The following SLC24A3 variants were observed in gnomAD, a reference collection of about 807,000 sequenced individuals.
The protein encoded by SLC24A3 is sodium/potassium/calcium exchanger 3.
A neutral mutation model predicts 75.8 loss-of-function variants in SLC24A3; 28 were observed. That is an observed-to-expected ratio of 0.37 (90% CI 0.27 to 0.51). The LOEUF (loss-of-function observed/expected upper bound fraction) is 0.51. SLC24A3 is among the 20% of genes least tolerant of loss of function. SLC24A3 has a pLI of 0.94. For missense variants in SLC24A3, 663 were observed against 847.8 expected, an observed-to-expected ratio of 0.78 and a Z score of 2.71; for synonymous variants, 372 against 334.1, an observed-to-expected ratio of 1.11 and a Z score of -1.24.
intron 9 of SLC24A3, among the ~76,000 whole-genome samples, chr20:19,677,536 AC>A (rs886228216): frequency 1.4e-4 from 22 of 151,964 alleles, no homozygotes; most frequent in African/African-American, 4.8e-4. Context: ...CCATCAACCC[AC>A]AGTTGCCCCA....
rs1381765767 is a variant in SLC24A3 at position 19,239,123 on chromosome 20, A to T, written c.142+26139A>T. Among the ~76,000 whole-genome samples, 58 of 151,004 alleles carry T rather than the reference A, an allele frequency of 3.8e-4. No homozygotes were observed. The South Asian group carries it at 0.011, about 28-fold the overall frequency. ...GCTCTTTGAGAAAAGCTTATTTTAA[A>T]AAAAAAAAAAAAAAACAACACAGAG... On this transcript the variant is annotated intron_variant, in intron 1 of 16. Coordinates refer to ENST00000328041, the MANE Select transcript of SLC24A3 (RefSeq NM_020689.4).
chr20:19,676,913 C>T (rs906982423), intron 9 of SLC24A3, among the ~76,000 whole-genome samples: 2 of 152,310 alleles, frequency 1.3e-5, no homozygotes, highest in African/African-American at 2.4e-5. Context: ...GTCATGGGAC[C>T]TCAGCCAAGT....
chr20:19,351,003 T>G (rs1393040880), intron 2 of SLC24A3, among the ~76,000 whole-genome samples: 2 of 152,236 alleles, frequency 1.3e-5, no homozygotes, highest in African/African-American at 4.8e-5. Context: ...ATGCCCTGGC[T>G]TTCCCCATGG....
Position 19,408,065 on chromosome 20 carries a change from T to C in SLC24A3, c.272-107423T>C, listed in dbSNP as rs548679163. On this transcript the variant is annotated intron_variant, in intron 2 of 16. Transcript: ENST00000328041. ...TAAGAATAGAAAAGAAGTCCTCCCT[T>C]ACCTCAATAAAATGTGGGAATAAAA... Among the ~76,000 whole-genome samples the C allele has an allele frequency of 1.1e-3, 171 of 152,320 alleles. 1 individual carries two copies. The highest frequency in any genetic ancestry group is 4.0e-3 in the African/African-American group (165 of 41,564).
chr20:19,519,000 A>G (rs2030049964), intron 3 of SLC24A3, among the ~76,000 whole-genome samples: 1 of 152,004 alleles, frequency 6.6e-6, no homozygotes, highest in East Asian at 1.9e-4. Flanking sequence ...CTTCTGCTGG[A>G]GGGTCCCAGA....
intron 3 of SLC24A3, among the ~76,000 whole-genome samples, chr20:19,575,811 G>A (rs1356240712): frequency 6.6e-6 from 1 of 152,164 alleles, no homozygotes; most frequent in Non-Finnish European, 1.5e-5. Context: ...GAACTTCAAC[G>A]GCTCTGACAG....
chr20:19,655,909 T>C lies in SLC24A3; in HGVS notation c.687+1773T>C, dbSNP rs2032260280. Among the ~76,000 whole-genome samples the C allele has an allele frequency of 2.0e-5, 3 of 152,200 alleles. No individual in the cohort carries two copies. The South Asian group carries it at 6.2e-4, about 32-fold the overall frequency. On this transcript the variant is annotated intron_variant, in intron 7 of 16. Transcript: ENST00000328041. ...TCCCTCACAGCAAATCTTCATTTTA[T>C]ATATATATATCTTTTGTTGGTTCAG...
chr20:19,329,314 C>G (rs1400701389), intron 2 of SLC24A3, among the ~76,000 whole-genome samples: 1 of 151,888 alleles, frequency 6.6e-6, no homozygotes, highest in Non-Finnish European at 1.5e-5. Context: ...AAATGGTTTC[C>G]TGTTTACCTG....
rs368118178 is a variant in SLC24A3, at chr20:19,664,023, A to G, written c.688-1841A>G. Among the ~76,000 whole-genome samples the G allele has an allele frequency of 3.3e-5, 5 of 152,254 alleles. No homozygotes were observed. In the South Asian group the frequency reaches 8.3e-4, roughly 25 times the overall value. On this transcript the variant is annotated intron_variant, in intron 7 of 16. Transcript: ENST00000328041. ...TTTCTAAAAGCTGCTTTCATATTCT[A>G]TGTTATTGCCTGCCTTCCCTGATAG...
At chr20:19,402,842 C>T (rs1986576885) in intron 2 of SLC24A3, among the ~76,000 whole-genome samples, 1 of 152,202 alleles carries the variant, frequency 6.6e-6, no homozygotes, top group African/African-American at 2.4e-5. Flanking sequence ...CCACACAGTG[C>T]TATCCAAAAG....
intron 2 of SLC24A3, among the ~76,000 whole-genome samples, chr20:19,450,524 T>TA (rs1276727841): frequency 1.3e-5 from 2 of 152,150 alleles, no homozygotes; most frequent in Non-Finnish European, 2.9e-5. Context: ...ACACAGTTGT[T>TA]ACCTTTGCAC....
intron 3 of SLC24A3, among the ~76,000 whole-genome samples, chr20:19,573,725 C>A (rs1158877808): frequency 6.6e-6 from 1 of 152,146 alleles, no homozygotes. Flanking sequence ...CCAAGTTGCA[C>A]GCCGGAAGAT....
chr20:19,225,076 G>C (rs1001844858), intron 1 of SLC24A3, among the ~76,000 whole-genome samples: 1 of 152,108 alleles, frequency 6.6e-6, no homozygotes, highest in Non-Finnish European at 1.5e-5. Flanking sequence ...TTGCATTGTT[G>C]GTTCACCACC....
At chr20:19,232,874 C>T (rs752045657) in intron 1 of SLC24A3, among the ~76,000 whole-genome samples, 1 of 152,194 alleles carries the variant, frequency 6.6e-6, no homozygotes, top group Non-Finnish European at 1.5e-5. Context: ...ATGCCCAGAA[C>T]CTCTATGACA....
intron 1 of SLC24A3, among the ~76,000 whole-genome samples, chr20:19,272,383 T>C (rs1983356031): frequency 6.6e-6 from 1 of 152,238 alleles, no homozygotes; most frequent in Non-Finnish European, 1.5e-5. Context: ...CGCAACAATG[T>C]CTGTGAGTGG....
At chr20:19,351,093 G>A (rs543093879) in intron 2 of SLC24A3, among the ~76,000 whole-genome samples, 7 of 152,300 alleles carry the variant, frequency 4.6e-5, no homozygotes, top group African/African-American at 1.7e-4. Flanking sequence ...CAATGGTCCA[G>A]GCCCAGGGCT....
chr20:19,700,019 C>T (rs2032853190), intron 15 of SLC24A3, among the ~76,000 whole-genome samples: 1 of 152,204 alleles, frequency 6.6e-6, no homozygotes, highest in African/African-American at 2.4e-5. Flanking sequence ...TCCCAAGGGT[C>T]ACATTCACAG....
chr20:19,538,341 A>G, intron 3 of SLC24A3, among the ~76,000 whole-genome samples: 1 of 152,184 alleles, frequency 6.6e-6, no homozygotes, highest in East Asian at 1.9e-4. Context: ...TCAGCAAGAG[A>G]CTTAACTATA....
intron 3 of SLC24A3, among the ~76,000 whole-genome samples, chr20:19,571,794 G>C (rs1427225357): frequency 6.6e-6 from 1 of 152,144 alleles, no homozygotes; most frequent in Non-Finnish European, 1.5e-5. Context: ...CCATAGGGTG[G>C]GACTCAGGAG....
Sources: allele counts gnomAD v4.1 joint callset (sites outside exome capture counted in the v4.1 genomes callset), GRCh38; gene constraint gnomAD v4.1.1; transcripts MANE v1.5; gene names NCBI Gene and HGNC (gene_info 2026-07-23, HGNC 2026-07-21).